The following KLHL3 variants were observed in gnomAD, a reference collection of about 807,000 sequenced individuals.
KLHL3 encodes the protein kelch like family member 3.
A neutral mutation model predicts 70.5 loss-of-function variants in KLHL3; 19 were observed. That is an observed-to-expected ratio of 0.27 (90% CI 0.19 to 0.40). KLHL3 has a LOEUF of 0.40. Ranked by LOEUF, KLHL3 falls within the 10% of genes least tolerant of loss-of-function variation. The pLI is 1.00. For missense variants in KLHL3, 512 were observed against 771.1 expected (o/e 0.66, Z 3.98); for synonymous variants, 258 against 290.3 (o/e 0.89, Z 1.13).
intron 4 of KLHL3, among the ~76,000 whole-genome samples, chr5:137,696,725 C>T (rs902186412): frequency 3.9e-5 from 6 of 152,124 alleles, no homozygotes; most frequent in African/African-American, 1.4e-4. Flanking sequence ...TCTATGTGAC[C>T]GTGGCAGTTT....
At chr5:137,723,274 T>C (rs1048094938) in intron 1 of KLHL3, among the ~76,000 whole-genome samples, 19 of 152,186 alleles carry the variant, frequency 1.2e-4, no homozygotes, top group Non-Finnish European at 2.2e-4. Flanking sequence ...TCAAATTCCA[T>C]AAAGAACTCG....
At chr5:137,651,969 T>C (rs544040135) in intron 8 of KLHL3, among the ~76,000 whole-genome samples, 1 of 152,146 alleles carries the variant, frequency 6.6e-6, no homozygotes, top group East Asian at 1.9e-4. Flanking sequence ...TCCCAATAAA[T>C]AGTGTGGAAC....
At chr5:137,669,644 G>A (rs1193873616) in intron 6 of KLHL3, among the ~76,000 whole-genome samples, 2 of 151,818 alleles carry the variant, frequency 1.3e-5, no homozygotes, top group African/African-American at 2.4e-5. Context: ...GCTGAGAGAC[G>A]TCAGTGGTAC....
At chr5:137,640,218 C>T (rs555813111) in intron 8 of KLHL3, among the ~76,000 whole-genome samples, 2 of 152,224 alleles carry the variant, frequency 1.3e-5, no homozygotes, top group Non-Finnish European at 2.9e-5. Context: ...ATGCCCCACT[C>T]GGGGCTATCT....
In KLHL3 at chr5:137,688,167, AAAAAT is replaced by A. The variant is rs201162792; in HGVS notation, c.526+4113_526+4117del. Among the ~76,000 whole-genome samples, 18 of 144,532 alleles carry A rather than the reference AAAAAT, an allele frequency of 1.2e-4. 7 individuals carry two copies. Among genetic ancestry groups the A allele is most frequent in the South Asian group, 4.6e-4 (2 of 4,320 alleles). 94.8% of individuals were successfully genotyped at this position (144,532 alleles called of 152,430 possible). A position where few individuals can be genotyped will look rare whatever the true frequency, so the allele number is the denominator to read the frequency against. ...AAACACCCAAGAATGATCAATAAAA[AAAAAT>A]AAAATAAAATAAAATAAAATAAAAT... On this transcript the variant is annotated intron_variant, in intron 5 of 14. Transcript: ENST00000309755.
intron 5 of KLHL3, among the ~76,000 whole-genome samples, chr5:137,682,845 G>A (rs1481260975): frequency 3.9e-5 from 6 of 152,066 alleles, no homozygotes; most frequent in African/African-American, 1.4e-4. Context: ...GACTGCCTAG[G>A]GTTCAGGCAA....
intron 5 of KLHL3, among the ~76,000 whole-genome samples, chr5:137,690,494 G>T (rs925181454): frequency 6.6e-6 from 1 of 152,150 alleles, no homozygotes; most frequent in African/African-American, 2.4e-5. Flanking sequence ...AGAGAGCACA[G>T]GAACGGCAGA....
At chr5:137,652,893 A>G (rs1751239660) in intron 8 of KLHL3, among the ~76,000 whole-genome samples, 1 of 152,200 alleles carries the variant, frequency 6.6e-6, no homozygotes, top group South Asian at 2.1e-4. Context: ...CAATGTATCT[A>G]TATTTCAAAA....
rs72800071 is a variant in KLHL3, at chr5:137,662,822, G to A, written c.637-791C>T. On this transcript the variant is annotated intron_variant, in intron 6 of 14. Transcript: ENST00000309755. Reference sequence around the variant, plus strand: ...AGGGGAGGGAAGTATTGGCAATATCGATCAAAATTTTAAATGTGCATTCTC... The same window carrying A: ...AGGGGAGGGAAGTATTGGCAATATCAATCAAAATTTTAAATGTGCATTCTC... 7.9e-3 allele frequency among the ~76,000 whole-genome samples: 1,199 copies of A among 152,134 alleles called. 15 individuals are homozygous for A. Among genetic ancestry groups the A allele is most frequent in the Middle Eastern group, 0.014 (4 of 294 alleles).
intron 3 of KLHL3, among the ~76,000 whole-genome samples, chr5:137,700,739 GA>G (rs1003971385): frequency 6.6e-6 from 1 of 151,844 alleles, no homozygotes; most frequent in Non-Finnish European, 1.5e-5. Flanking sequence ...AAACAAGCAA[GA>G]AAAAAATGAT....
intron 12 of KLHL3, chr5:137,629,553 T>C (rs1750576228): frequency 6.6e-6 from 1 of 152,284 alleles, no homozygotes; most frequent in Non-Finnish European, 1.5e-5. Flanking sequence ...ACCAGACTTG[T>C]AGACTATAAC....
rs1455671797 is a variant in KLHL3 at position 137,677,563 on chromosome 5, G to A, written c.618C>T (p.Thr206=). 14 of 1,602,168 alleles carry A rather than the reference G, an allele frequency of 8.7e-6. No homozygotes were observed. Among genetic ancestry groups the A allele is most frequent in the Middle Eastern group, 1.7e-4 (1 of 6,008 alleles). ...VCSLISSDKL[T]VSSEEKVFEA... ...GTCATACCTTCTCTTCTGAAGAAAC[G>A]GTCAGCTTGTCGCTGGATATCAAGC... The change falls in exon 6 of 15, where the codon ACC becomes ACT. Residue 206 remains threonine (T), a synonymous_variant. Transcript: ENST00000309755.
At chr5:137,679,303 C>A (rs933064208) in intron 5 of KLHL3, among the ~76,000 whole-genome samples, 2 of 152,048 alleles carry the variant, frequency 1.3e-5, no homozygotes, top group Admixed American at 1.3e-4. Flanking sequence ...AGTCACCACA[C>A]AAGCCACCAC....
chr5:137,632,169 A>G (rs961773763), intron 12 of KLHL3, among the ~76,000 whole-genome samples: 4 of 152,236 alleles, frequency 2.6e-5, no homozygotes, highest in African/African-American at 9.6e-5. Flanking sequence ...TAAAGTTTAT[A>G]CAGAACCAAA....
chr5:137,676,904 G>A (rs1007584532), intron 6 of KLHL3, among the ~76,000 whole-genome samples: 1 of 152,074 alleles, frequency 6.6e-6, no homozygotes, highest in Non-Finnish European at 1.5e-5. Context: ...TGTAATGCAG[G>A]GACAATAGTA....
At chr5:137,635,436 C>T (rs1175915230) in intron 11 of KLHL3, among the ~76,000 whole-genome samples, 1 of 152,196 alleles carries the variant, frequency 6.6e-6, no homozygotes, top group South Asian at 2.1e-4. Flanking sequence ...ACACTCTCTG[C>T]TCTCTTAGGA....
chr5:137,625,903 G>C lies in KLHL3; in HGVS notation c.1592-7C>G, dbSNP rs919980399. Reference sequence around the variant, plus strand: ...CCATTTACTGCACAGACCCCTGTGAGTCAAACAAAAGCCATGGGAGACATC... The same window carrying C: ...CCATTTACTGCACAGACCCCTGTGACTCAAACAAAAGCCATGGGAGACATC... On this transcript the variant is annotated splice_polypyrimidine_tract_variant and splice_region_variant and intron_variant, in intron 13 of 14. Transcript: ENST00000309755. 30 of 1,613,982 alleles carry C rather than the reference G, an allele frequency of 1.9e-5. No homozygotes were observed. The highest frequency in any genetic ancestry group is 2.5e-5 in the Non-Finnish European group (29 of 1,180,024).
chr5:137,673,130 C>T (rs946605299), intron 6 of KLHL3, among the ~76,000 whole-genome samples: 11 of 152,010 alleles, frequency 7.2e-5, no homozygotes, highest in African/African-American at 1.9e-4. Flanking sequence ...ACATCTGAAC[C>T]CCAGCCCATC....
intron 13 of KLHL3, among the ~76,000 whole-genome samples, chr5:137,627,623 A>T (rs1482334226): frequency 6.6e-6 from 1 of 152,140 alleles, no homozygotes. Flanking sequence ...ACTTTCCTAA[A>T]GCAAAGAGGC....
Sources: allele counts gnomAD v4.1 joint callset (sites outside exome capture counted in the v4.1 genomes callset), GRCh38; gene constraint gnomAD v4.1.1; transcripts MANE v1.5; gene names NCBI Gene and HGNC (gene_info 2026-07-23, HGNC 2026-07-21).